Variants in PANK4 observed in about 807,000 individuals in gnomAD.
The protein encoded by PANK4 is pantothenate kinase 4 (inactive).
A neutral mutation model predicts 87.9 loss-of-function variants in PANK4; 40 were observed. The observed-to-expected ratio is 0.46, with a 90% CI of 0.35 to 0.59. The LOEUF is 0.59. PANK4 is among the 20% of genes least tolerant of loss of function. The probability of loss-of-function intolerance (pLI) is 0.00; values close to 1 mark genes in which losing one functional copy is unlikely to be tolerated. For missense variants in PANK4, 926 were observed against 1,072.3 expected (o/e 0.86, Z 1.90); for synonymous variants, 524 against 467.4 (o/e 1.12, Z -1.56).
Position 2,515,284 on chromosome 1 carries a change from A to T in PANK4, c.1374+278T>A. On this transcript the variant is annotated intron_variant, in intron 10 of 18. Transcript: ENST00000378466. The surrounding 1 kb of genome is among the most constrained non-coding windows in gnomAD (Gnocchi z 5.0). ...TCAAAAGAGCAGAGACGTCTCCTAA[A>T]TTGCTTTTTGAAGGAATGTGCTAGC... 4.6e-6 allele frequency: 3 copies of T among 649,080 alleles called. No individual in the cohort carries two copies. The highest frequency in any genetic ancestry group is 8.5e-6 in the Non-Finnish European group (3 of 351,236). 40.2% of individuals were successfully genotyped at this position (649,080 alleles called of 1,614,324 possible).
rs553862906 is a variant in PANK4, at chr1:2,514,717, AG to A, written c.1375-252del. Among the ~76,000 whole-genome samples, 61 of 58,490 alleles carry A rather than the reference AG, an allele frequency of 1.0e-3. 1 individual carries two copies. Among genetic ancestry groups the A allele is most frequent in the African/African-American group, 4.2e-3 (59 of 14,038 alleles). 38.4% of individuals were successfully genotyped at this position (58,490 alleles called of 152,430 possible). On this transcript the variant is annotated intron_variant, in intron 10 of 18. Coordinates refer to ENST00000378466, the MANE Select transcript of PANK4 (RefSeq NM_018216.4). ...AGGGCCTGCTGTGGGGGACTCGGGC[AG>A]GGTGGGGGCTGCCTGGGCTGTGGTC...
intron 8 of PANK4, 61 bp from the exon 9 acceptor site, chr1:2,518,325 G>A: frequency 8.2e-7 from 1 of 1,213,406 alleles, no homozygotes; most frequent in Non-Finnish European, 1.2e-6. Flanking sequence ...AAGCAGGAGA[G>A]TGGAGGAGGA....
intron 12 of PANK4, 109 bp from the exon 13 acceptor site, chr1:2,513,148 T>C: frequency 8.0e-7 from 1 of 1,247,914 alleles, no homozygotes; most frequent in South Asian, 1.4e-5. Flanking sequence ...GATCGAAGAC[T>C]CAGGCCCAAC....
In PANK4 at chr1:2,521,732, C is replaced by T. The variant is rs149819089; in HGVS notation, c.193G>A (p.Asp65Asn). 2.8e-5 allele frequency: 45 copies of T among 1,613,754 alleles called. No individual in the cohort carries two copies. The highest frequency in any genetic ancestry group is 4.0e-5 in the African/African-American group (3 of 74,908). The change falls in exon 2 of 19, where the codon GAC (aspartate) becomes AAC (asparagine). Residue 65 changes from aspartate (D) to asparagine (N), a missense_variant. Physicochemically the swap from Asp to Asn is conservative, Grantham distance 23. Coordinates refer to ENST00000378466, the MANE Select transcript of PANK4 (RefSeq NM_018216.4). ...QHKVAKVRSF[D>N]HSGKDTEREH... ...TGCAGGCTCACCTTTCCGGAGTGGT[C>T]GAAAGACCGCACCTTGGCGACTTTG...
In PANK4 at chr1:2,515,709, C is replaced by G. The variant is rs766314038; in HGVS notation, c.1227G>C (p.Leu409Phe). Residue 409 changes from leucine (L) to phenylalanine (F), a missense_variant, in exon 10 of 19, where the codon TTG (leucine) becomes TTC (phenylalanine). By Grantham distance (22) the Leu-to-Phe change is conservative. Coordinates refer to ENST00000378466, the MANE Select transcript of PANK4 (RefSeq NM_018216.4). The surrounding 1 kb of genome is among the most constrained non-coding windows in gnomAD (Gnocchi z 5.0). ...GCCTCTCCAGCCGGTCCATTTCCAG[C>G]AAGTCAAACTGGAAGACAGGCAGTG... The part of the protein sequence containing the change: ...AQRARSGTFD[L>F]LEMDRLERPL... 2 of 1,612,886 alleles carry G rather than the reference C, an allele frequency of 1.2e-6. No homozygotes were observed. Among genetic ancestry groups the G allele is most frequent in the Middle Eastern group, 1.7e-4 (1 of 6,054 alleles).
At chr1:2,516,617 C>A (rs931156241) in intron 9 of PANK4, among the ~76,000 whole-genome samples, 11 of 152,190 alleles carry the variant, frequency 7.2e-5, no homozygotes, top group African/African-American at 2.4e-4. Context: ...CTGCTGGCAA[C>A]CCCTGGGGCT....
At position 2,515,883 on chromosome 1, in the gene PANK4, G is replaced by A; in HGVS notation, c.1219-166C>T. On this transcript the variant is annotated intron_variant, in intron 9 of 18. Transcript: ENST00000378466. This position sits in a 1 kb window ranked among gnomAD's most constrained non-coding sequence, Gnocchi z 5.0. Reference sequence around the variant, plus strand: ...CCCACTGGGCCCCCTCAGCTGCCCGGCGGCCTGAGCCGGATACCTTGACTT... The same window carrying A: ...CCCACTGGGCCCCCTCAGCTGCCCGACGGCCTGAGCCGGATACCTTGACTT... 1 of 708,142 alleles carries A rather than the reference G, an allele frequency of 1.4e-6. No homozygotes were observed. The highest frequency in any genetic ancestry group is 2.3e-6 in the Non-Finnish European group (1 of 429,050). 43.9% of individuals were successfully genotyped at this position (708,142 alleles called of 1,614,324 possible).
chr1:2,513,259 G>A (rs1163213871), intron 12 of PANK4, among the ~76,000 whole-genome samples: 1 of 152,268 alleles, frequency 6.6e-6, no homozygotes. Context: ...CAGCCCCCAT[G>A]TGACTGAGCA....
intron 1 of PANK4, among the ~76,000 whole-genome samples, chr1:2,524,868 T>C (rs1466850165): frequency 1.3e-5 from 2 of 152,124 alleles, no homozygotes; most frequent in African/African-American, 2.4e-5. Flanking sequence ...CTGGGAAGCA[T>C]GGCTGGGGAG....
In PANK4 at chr1:2,519,333, G is replaced by C. The variant is rs751451070; in HGVS notation, c.854-9C>G. ...GTCTTCTTTGGAGAACTCTGAGGAA[G>C]GGAAGGAAAAGGCACTCATCTCCAA... is the stretch of plus-strand genomic sequence containing the variant. On this transcript the variant is annotated splice_polypyrimidine_tract_variant and intron_variant, in intron 6 of 18. Coordinates refer to ENST00000378466, the MANE Select transcript of PANK4 (RefSeq NM_018216.4). The surrounding 1 kb of genome is among the most constrained non-coding windows in gnomAD (Gnocchi z 8.3). 1 of 1,597,486 alleles carries C rather than the reference G, an allele frequency of 6.3e-7. No homozygotes were observed. Among genetic ancestry groups the C allele is most frequent in the Admixed American group, 1.7e-5 (1 of 59,058 alleles).
chr1:2,516,165 G>T (rs1009002547), intron 9 of PANK4, among the ~76,000 whole-genome samples: 7 of 152,114 alleles, frequency 4.6e-5, no homozygotes, highest in Admixed American at 3.9e-4. Context: ...CCAGGTGGCC[G>T]TGTCTGCACA....
chr1:2,525,463 G>A (rs1643912862), intron 1 of PANK4: 1 of 152,140 alleles, frequency 6.6e-6, no homozygotes, highest in South Asian at 2.1e-4. Context: ...GCTATTCAAG[G>A]GGGGTTTCTC....
chr1:2,515,237 C>A lies in PANK4; in HGVS notation c.1374+325G>T. 2 of 508,192 alleles carry A rather than the reference C, an allele frequency of 3.9e-6. No individual in the cohort carries two copies. Among genetic ancestry groups the A allele is most frequent in the South Asian group, 1.6e-5 (1 of 62,912 alleles). 31.5% of individuals were successfully genotyped at this position (508,192 alleles called of 1,614,324 possible). A position where few individuals can be genotyped will look rare whatever the true frequency, so the allele number is the denominator to read the frequency against. ...CCCCCAGAGTCAGGGTCCCACAATG[C>A]CTCCCGCACCTCAGTCACACCTCAA... On this transcript the variant is annotated intron_variant, in intron 10 of 18. Transcript: ENST00000378466. The surrounding 1 kb of genome is among the most constrained non-coding windows in gnomAD (Gnocchi z 5.0).
rs1643870162 is a variant in PANK4 at position 2,520,986 on chromosome 1, G to A, written c.423-80C>T. On this transcript the variant is annotated intron_variant, in intron 3 of 18. Coordinates refer to ENST00000378466, the MANE Select transcript of PANK4 (RefSeq NM_018216.4). This position sits in a 1 kb window ranked among gnomAD's most constrained non-coding sequence, Gnocchi z 6.2. ...ATGCAAGCCTGCCTGGTCCGAAGGG[G>A]CAGCCATGCCCCATGCGCAATCTGA... 7.9e-6 allele frequency: 12 copies of A among 1,525,630 alleles called. No homozygotes were observed. In the South Asian group the frequency reaches 1.3e-4, roughly 17 times the overall value. The allele number at this position is 1,525,630 out of a possible 1,614,324, so 94.5% of individuals were successfully genotyped here. A position where few individuals can be genotyped will look rare whatever the true frequency, so the allele number is the denominator to read the frequency against.
chr1:2,515,633 T>C lies in PANK4; in HGVS notation c.1303A>G (p.Thr435Ala). The change falls in exon 10 of 19, where the codon ACG becomes GCG. Residue 435 changes from threonine (T) to alanine (A), a missense_variant. By Grantham distance (58) the Thr-to-Ala change is moderately conservative. Coordinates refer to ENST00000378466, the MANE Select transcript of PANK4 (RefSeq NM_018216.4). This position sits in a 1 kb window ranked among gnomAD's most constrained non-coding sequence, Gnocchi z 5.0. ...LLDPPSYVPD[T>A]VDLTDDALAR... ...AGAGCGTCATCGGTGAGGTCCACCG[T>C]GTCGGGCACGTAGGAGGGCGGGTCC... is the stretch of plus-strand genomic sequence containing the variant. 6.2e-7 allele frequency: 1 copy of C among 1,613,262 alleles called. No homozygotes were observed.
In PANK4 at chr1:2,518,277, A is replaced by C. The variant is rs200545313; in HGVS notation, c.1118-13T>G. ...TACTGGTTAGGATCTGGAAAGCAAG[A>C]AGCCAGGTCACTTGTGTTAACCTTG... is the stretch of plus-strand genomic sequence containing the variant. On this transcript the variant is annotated splice_polypyrimidine_tract_variant and intron_variant, in intron 8 of 18. Transcript: ENST00000378466. 1.9e-5 allele frequency: 30 copies of C among 1,585,738 alleles called. No homozygotes were observed. In the African/African-American group the frequency reaches 3.1e-4, roughly 16 times the overall value.
chr1:2,513,232 G>C (rs769839675), intron 12 of PANK4, among the ~76,000 whole-genome samples, 193 bp from the exon 13 acceptor site: 5 of 152,254 alleles, frequency 3.3e-5, no homozygotes, highest in Non-Finnish European at 7.3e-5. Context: ...CTCTGAGGAC[G>C]AGGCCCAGGA....
Position 2,519,196 on chromosome 1 carries a change from C to G in PANK4, c.982G>C (p.Gly328Arg). The change falls in exon 7 of 19, where the codon GGC (glycine) becomes CGC (arginine). Residue 328 changes from glycine (G) to arginine (R), a missense_variant. Gly to Arg is a moderately radical substitution (Grantham distance 125). Coordinates refer to ENST00000378466, the MANE Select transcript of PANK4 (RefSeq NM_018216.4). This position sits in a 1 kb window ranked among gnomAD's most constrained non-coding sequence, Gnocchi z 8.3. ...ATGGTGCGCATGGTCACGGGGTGGC[C>G]CCGGATAAAGAAGCCTCCAAAGTAC... The part of the protein sequence containing the change: ...RVYFGGFFIR[G>R]HPVTMRTITY... 1 of 1,612,674 alleles carries G rather than the reference C, an allele frequency of 6.2e-7. No homozygotes were observed. The highest frequency in any genetic ancestry group is 8.5e-7 in the Non-Finnish European group (1 of 1,179,912).
rs1270374629 is a variant in PANK4 at position 2,514,216 on chromosome 1, A to G, written c.1488-127T>C. ...GCAAACGCTGCTTGAGGCGGGGTCCAAGGGGGCTGTGCCGCCAGGGCCCAC... is the reference window on the plus strand; with the variant it reads ...GCAAACGCTGCTTGAGGCGGGGTCCGAGGGGGCTGTGCCGCCAGGGCCCAC... On this transcript the variant is annotated intron_variant, in intron 11 of 18. Transcript: ENST00000378466. The G allele has an allele frequency of 2.7e-6, 3 of 1,120,138 alleles. No individual in the cohort carries two copies. In the Middle Eastern group the frequency reaches 7.8e-4, roughly 291 times the overall value. The allele number at this position is 1,120,138 out of a possible 1,614,324, so 69.4% of individuals were successfully genotyped here. A position where few individuals can be genotyped will look rare whatever the true frequency, so the allele number is the denominator to read the frequency against.
Sources: allele counts gnomAD v4.1 joint callset (sites outside exome capture counted in the v4.1 genomes callset), GRCh38; gene constraint gnomAD v4.1.1; non-coding constraint Gnocchi (gnomAD v3.1); transcripts MANE v1.5; gene names NCBI Gene and HGNC (gene_info 2026-07-23, HGNC 2026-07-21).